The following PTPRN2 variants were observed in gnomAD, a reference collection of about 807,000 sequenced individuals.
PTPRN2 encodes protein tyrosine phosphatase receptor type N2.
In PTPRN2, 74 loss-of-function variants were observed where a neutral mutation model predicts 118.8. That is an observed-to-expected ratio of 0.62 (90% CI 0.52 to 0.76). The LOEUF (loss-of-function observed/expected upper bound fraction) is 0.76, where lower values mean the gene tolerates loss of function less well. PTPRN2 is among the 30% of genes least tolerant of loss of function. PTPRN2 has a pLI of 0.00. For missense variants in PTPRN2, 1,481 were observed against 1,394.4 expected (o/e 1.06, Z -0.99); for synonymous variants, 641 against 608.0 (o/e 1.05, Z -0.80).
chr7:158,244,866 TA>T (rs1796117088), intron 3 of PTPRN2, among the ~76,000 whole-genome samples: 1 of 152,018 alleles, frequency 6.6e-6, no homozygotes, highest in Non-Finnish European at 1.5e-5. Flanking sequence ...GTGTGTTATA[TA>T]AAATATTAAA....
intron 2 of PTPRN2, among the ~76,000 whole-genome samples, chr7:158,473,745 C>CT (rs1820037553): frequency 6.6e-6 from 1 of 152,204 alleles, no homozygotes; most frequent in East Asian, 1.9e-4. Flanking sequence ...ATCCAACTGT[C>CT]TAACAGTCAA....
chr7:158,334,697 TA>T, intron 2 of PTPRN2, among the ~76,000 whole-genome samples: 1 of 41,752 alleles, frequency 2.4e-5, no homozygotes, highest in Non-Finnish European at 4.8e-5. Flanking sequence ...ACTCTCACCA[TA>T]AGAGGTGACA....
At chr7:158,265,213 C>T (rs1563058621) in intron 3 of PTPRN2, among the ~76,000 whole-genome samples, 1 of 152,198 alleles carries the variant, frequency 6.6e-6, no homozygotes, top group South Asian at 2.1e-4. Flanking sequence ...CCTGGCTCCC[C>T]ACCTGCCATC....
intron 12 of PTPRN2, among the ~76,000 whole-genome samples, chr7:157,844,227 AG>A (rs1482914328): frequency 6.6e-6 from 1 of 152,224 alleles, no homozygotes; most frequent in African/African-American, 2.4e-5. Flanking sequence ...TCTGCAGGAA[AG>A]GGAACAGGAG....
At chr7:158,322,154 CG>C (rs1803078239) in intron 2 of PTPRN2, among the ~76,000 whole-genome samples, 1 of 152,134 alleles carries the variant, frequency 6.6e-6, no homozygotes, top group African/African-American at 2.4e-5. Flanking sequence ...TGGCTGCCTC[CG>C]CCCCACACCC....
intron 11 of PTPRN2, among the ~76,000 whole-genome samples, chr7:158,058,204 C>G (rs868807121): frequency 2.0e-5 from 3 of 150,284 alleles, no homozygotes; most frequent in Non-Finnish European, 4.4e-5. Flanking sequence ...CACACTCCAT[C>G]TGCCCACGGT....
At chr7:158,341,005 A>C (rs868310862) in intron 2 of PTPRN2, among the ~76,000 whole-genome samples, 2,355 of 27,026 alleles carry the variant, frequency 0.087, 759 homozygotes, top group African/African-American at 0.24. Context: ...TAAGAGGTGA[A>C]ACCTGCAGAC....
rs150256665 is a variant in PTPRN2, at chr7:157,964,828, C to T, written c.1724-66091G>A. ...TGATCCCCATGGCCTGTTCTTTCGA[C>T]GATCCTCCTCTTGCCCCAATTTCTC... On this transcript the variant is annotated intron_variant, in intron 11 of 22. Transcript: ENST00000389418. This position sits in a 1 kb window ranked among gnomAD's most constrained non-coding sequence, Gnocchi z 9.0. Among the ~76,000 whole-genome samples, 25 of 152,326 alleles carry T rather than the reference C, an allele frequency of 1.6e-4. 1 individual carries two copies. Among genetic ancestry groups the T allele is most frequent in the Middle Eastern group, 3.4e-3 (1 of 294 alleles).
At chr7:157,956,566 C>T (rs1801198969) in intron 11 of PTPRN2, among the ~76,000 whole-genome samples, 2 of 152,360 alleles carry the variant, frequency 1.3e-5, no homozygotes, top group South Asian at 2.1e-4. Context: ...CTATTTCTTG[C>T]GTGGGCATCA....
At chr7:158,532,710 A>T (rs188826916) in intron 1 of PTPRN2, 13 of 534,428 alleles carry the variant, frequency 2.4e-5, no homozygotes, top group Admixed American at 7.8e-5. Context: ...AAACAACAAA[A>T]ACCAGCAACA....
intron 2 of PTPRN2, among the ~76,000 whole-genome samples, chr7:158,342,762 G>T (rs977183589): frequency 3.4e-4 from 52 of 152,180 alleles, no homozygotes; most frequent in Admixed American, 2.6e-3. Context: ...GGAATGGGCA[G>T]CGGCAGGAAA....
intron 11 of PTPRN2, among the ~76,000 whole-genome samples, chr7:157,910,055 C>T (rs549076331): frequency 6.6e-6 from 1 of 152,360 alleles, no homozygotes; most frequent in South Asian, 2.1e-4. Context: ...ACCTTCCACA[C>T]CCACAGTTCT....
intron 2 of PTPRN2, among the ~76,000 whole-genome samples, chr7:158,416,704 T>C (rs1213757715): frequency 1.3e-5 from 2 of 152,186 alleles, no homozygotes; most frequent in African/African-American, 4.8e-5. Context: ...GACAGCCTGC[T>C]GGGAAACATA....
At chr7:157,646,146 G>A (rs561415505) in intron 14 of PTPRN2, among the ~76,000 whole-genome samples, 2 of 152,286 alleles carry the variant, frequency 1.3e-5, no homozygotes, top group East Asian at 1.9e-4. Context: ...GCCTCCGCAT[G>A]GCCTTGTGAT....
chr7:158,274,714 G>A (rs1002609748), intron 3 of PTPRN2, among the ~76,000 whole-genome samples: 4 of 152,330 alleles, frequency 2.6e-5, no homozygotes, highest in Admixed American at 2.0e-4. Flanking sequence ...GGGGCCCAGA[G>A]GGGCTCAGGT....
chr7:157,951,349 G>A (rs1800797097), intron 11 of PTPRN2, among the ~76,000 whole-genome samples: 2 of 152,210 alleles, frequency 1.3e-5, no homozygotes, highest in South Asian at 4.1e-4. Flanking sequence ...TATGACTGGG[G>A]ATGTGTAAGA....
intron 1 of PTPRN2, among the ~76,000 whole-genome samples, chr7:158,578,964 T>C (rs1464775289): frequency 2.0e-5 from 3 of 152,180 alleles, no homozygotes; most frequent in Non-Finnish European, 4.4e-5. Flanking sequence ...GGTTTCACCA[T>C]GTTGGCCAGG....
At chr7:157,751,037 C>G (rs529264150) in intron 12 of PTPRN2, among the ~76,000 whole-genome samples, 1 of 152,368 alleles carries the variant, frequency 6.6e-6, no homozygotes, top group South Asian at 2.1e-4. Flanking sequence ...CACCAGTGAG[C>G]GTCCTGCCCA....
intron 12 of PTPRN2, among the ~76,000 whole-genome samples, chr7:157,851,609 G>A (rs948090111): frequency 1.1e-4 from 16 of 151,856 alleles, no homozygotes; most frequent in Admixed American, 6.6e-4. Flanking sequence ...GGGCACACCC[G>A]CCAAGGGCAC....
Sources: allele counts gnomAD v4.1 joint callset (sites outside exome capture counted in the v4.1 genomes callset), GRCh38; gene constraint gnomAD v4.1.1; non-coding constraint Gnocchi (gnomAD v3.1); transcripts MANE v1.5; gene names NCBI Gene and HGNC (gene_info 2026-07-23, HGNC 2026-07-21).